The following ZNF326 variants were observed in gnomAD, a reference collection of about 807,000 sequenced individuals.
The protein encoded by ZNF326 is DBIRD complex subunit ZNF326.
Under a neutral mutation model 63.1 loss-of-function variants are expected in ZNF326, and 30 were observed. The observed-to-expected ratio is 0.48, with a 90% CI of 0.36 to 0.64. The LOEUF (loss-of-function observed/expected upper bound fraction) is 0.64. Ranked by LOEUF, ZNF326 falls within the 30% of genes least tolerant of loss-of-function variation. ZNF326 has a pLI of 0.00. For synonymous variants in ZNF326, 194 were observed against 228.2 expected (o/e 0.85, Z 1.35); for missense variants, 609 against 720.3 (o/e 0.85, Z 1.77).
At position 90,018,734 on chromosome 1, in the gene ZNF326, C is replaced by G; in HGVS notation, c.1124C>G (p.Thr375Arg). Residue 375 changes from threonine (T) to arginine (R), a missense_variant, in exon 9 of 12, where the codon ACA becomes AGA. Coordinates refer to ENST00000340281, the MANE Select transcript of ZNF326 (RefSeq NM_182976.4). ...AAAACATCTATTCGTAAGCAACAGACAAATAATCAAACAGAAGTAGTTAAA... is the reference window on the plus strand; with the variant it reads ...AAAACATCTATTCGTAAGCAACAGAGAAATAATCAAACAGAAGTAGTTAAA... Reference protein sequence around the residue: ...FKKTSIRKQQTNNQTEVVKII... With the variant: ...FKKTSIRKQQRNNQTEVVKII... The G allele has an allele frequency of 6.3e-7, 1 of 1,578,458 alleles. No individual in the cohort carries two copies.
rs1650362666 is a variant in ZNF326, at chr1:90,033,604, A to T, written c.*5903A>T. On this transcript the variant is annotated 3_prime_UTR_variant, in exon 12 of 12. Transcript: ENST00000340281. ...TGAAAATAAACTCTGTTTTAGGCTG[A>T]TTAGTTGAATAAACATGGCTGAGAA... The T allele has an allele frequency of 6.6e-6, 1 of 152,178 alleles. No individual in the cohort carries two copies. Among genetic ancestry groups the T allele is most frequent in the Non-Finnish European group, 1.5e-5 (1 of 68,010 alleles). The allele number at this position is 152,178 out of a possible 1,614,324, so 9.4% of individuals were successfully genotyped here. A position where few individuals can be genotyped will look rare whatever the true frequency, so the allele number is the denominator to read the frequency against.
rs1650357443 is a variant in ZNF326, at chr1:90,033,477, T to C, written c.*5776T>C. 1 of 152,172 alleles carries C rather than the reference T, an allele frequency of 6.6e-6. No homozygotes were observed. Among genetic ancestry groups the C allele is most frequent in the Non-Finnish European group, 1.5e-5 (1 of 67,988 alleles). The allele number at this position is 152,172 out of a possible 1,614,324, so 9.4% of individuals were successfully genotyped here. A position where few individuals can be genotyped will look rare whatever the true frequency, so the allele number is the denominator to read the frequency against. On this transcript the variant is annotated 3_prime_UTR_variant, in exon 12 of 12. Transcript: ENST00000340281. Reference sequence around the variant, plus strand: ...CTTATAATAGTTTCATATGTAATCCTCATCATATTATATGTCATAATCTTC... The same window carrying C: ...CTTATAATAGTTTCATATGTAATCCCCATCATATTATATGTCATAATCTTC...
intron 2 of ZNF326, 115 bp from the exon 3 acceptor site, chr1:90,004,888 A>C (rs923610787): frequency 3.4e-6 from 2 of 582,208 alleles, no homozygotes; most frequent in Non-Finnish European, 5.1e-6. Context: ...AATTTAGTTT[A>C]AATGTTAATG....
At chr1:90,004,905 T>G in intron 2 of ZNF326, 98 bp from the exon 3 acceptor site, 1 of 941,990 alleles carries the variant, frequency 1.1e-6, no homozygotes, top group Non-Finnish European at 1.6e-6. Flanking sequence ...AATGGTAAAT[T>G]ATCTCAGGTG....
chr1:90,013,063 A>G, intron 6 of ZNF326, 63 bp from the exon 7 acceptor site: 1 of 1,400,918 alleles, frequency 7.1e-7, no homozygotes, highest in South Asian at 1.3e-5. Context: ...TTACGAACTG[A>G]TGATTGGAAA....
rs998686399 is a variant in ZNF326, at chr1:89,995,184, G to A, written c.-74G>A. On this transcript the variant is annotated 5_prime_UTR_variant, in exon 1 of 12. Coordinates refer to ENST00000340281, the MANE Select transcript of ZNF326 (RefSeq NM_182976.4). ...TCGCGCGGAGTGATCGTGTGGAATCGCGGGTCGCGGACGCTCGCCGCCGGC... is the reference window on the plus strand; with the variant it reads ...TCGCGCGGAGTGATCGTGTGGAATCACGGGTCGCGGACGCTCGCCGCCGGC... The A allele has an allele frequency of 2.7e-6, 4 of 1,501,478 alleles. No individual in the cohort carries two copies. Among genetic ancestry groups the A allele is most frequent in the Non-Finnish European group, 3.6e-6 (4 of 1,123,036 alleles). The allele number at this position is 1,501,478 out of a possible 1,614,324, so 93.0% of individuals were successfully genotyped here. A position where few individuals can be genotyped will look rare whatever the true frequency, so the allele number is the denominator to read the frequency against.
intron 2 of ZNF326, among the ~76,000 whole-genome samples, chr1:90,003,557 A>T (rs1648806927): frequency 6.6e-6 from 1 of 152,246 alleles, no homozygotes; most frequent in South Asian, 2.1e-4. Flanking sequence ...TTTTGTAAAT[A>T]TTCAGAAGAA....
chr1:90,020,895 A>G lies in ZNF326; in HGVS notation c.1278A>G (p.Lys426=), dbSNP rs1277930260. ...ALHSSVQQHL[K]SPDHIKGKQA... ...ATAGTTCAGTTCAGCAGCACTTAAA[A>G]TCTCCTGATCATATCAAAGGGAAGC... The change falls in exon 10 of 12, where the codon AAA becomes AAG. Residue 426 remains lysine (K), a synonymous_variant. Coordinates refer to ENST00000340281, the MANE Select transcript of ZNF326 (RefSeq NM_182976.4). The G allele has an allele frequency of 6.2e-7, 1 of 1,612,834 alleles. No individual in the cohort carries two copies. Among genetic ancestry groups the G allele is most frequent in the African/African-American group, 1.3e-5 (1 of 74,832 alleles).
intron 9 of ZNF326, among the ~76,000 whole-genome samples, 190 bp from the exon 10 acceptor site, chr1:90,020,602 G>A (rs552498137): frequency 6.6e-6 from 1 of 152,086 alleles, no homozygotes; most frequent in South Asian, 2.1e-4. Context: ...AATAATTTTA[G>A]TTAGCAATAT....
At chr1:90,012,403 C>T (rs1426285628) in intron 6 of ZNF326, among the ~76,000 whole-genome samples, 1 of 152,034 alleles carries the variant, frequency 6.6e-6, no homozygotes, top group East Asian at 1.9e-4. Flanking sequence ...ATAGGCAAAT[C>T]CGTAGATCAG....
At chr1:90,022,859 GTT>G (rs910154152) in intron 11 of ZNF326, among the ~76,000 whole-genome samples, 3 of 152,154 alleles carry the variant, frequency 2.0e-5, no homozygotes, top group Admixed American at 1.3e-4. Context: ...TGTCCACCTA[GTT>G]TTTTCTTCCA....
chr1:90,016,324 A>G (rs962843288), intron 7 of ZNF326, among the ~76,000 whole-genome samples: 1 of 152,170 alleles, frequency 6.6e-6, no homozygotes, highest in African/African-American at 2.4e-5. Context: ...AAATAAATCT[A>G]ATAGCATTGC....
At chr1:89,999,881 G>A (rs1648583321) in intron 2 of ZNF326, among the ~76,000 whole-genome samples, 1 of 152,180 alleles carries the variant, frequency 6.6e-6, no homozygotes, top group Admixed American at 6.5e-5. Context: ...TGAACAAAAT[G>A]GACAAATATT....
Position 89,995,282 on chromosome 1 carries a change from T to A in ZNF326, c.16+9T>A. On this transcript the variant is annotated intron_variant, in intron 1 of 11. Transcript: ENST00000340281. ...CATGGACTTCGAGGACGGTAAGCGC[T>A]GCCTCTGGCTGGTCGGCGCAGCTGG... 6.4e-7 allele frequency: 1 copy of A among 1,550,388 alleles called. No individual in the cohort carries two copies.
intron 9 of ZNF326, among the ~76,000 whole-genome samples, chr1:90,019,733 CT>C (rs1291937891): frequency 3.3e-5 from 5 of 152,044 alleles, no homozygotes; most frequent in African/African-American, 1.2e-4. Context: ...ACAGATCTTT[CT>C]TCTGAACTCT....
intron 2 of ZNF326, 52 bp downstream of exon 2, chr1:89,998,206 A>ATGCGC: frequency 6.4e-7 from 1 of 1,571,330 alleles, no homozygotes; most frequent in Non-Finnish European, 8.7e-7. Context: ...ATATAGTATC[A>ATGCGC]ATGTAAAAGG....
intron 11 of ZNF326, among the ~76,000 whole-genome samples, chr1:90,024,733 G>A (rs570070352): frequency 9.9e-5 from 15 of 151,810 alleles, no homozygotes; most frequent in African/African-American, 2.4e-4. Context: ...CTCCCACCTC[G>A]GCCTCTCTAG....
intron 1 of ZNF326, among the ~76,000 whole-genome samples, chr1:89,996,924 C>T (rs945139128): frequency 2.0e-5 from 3 of 152,178 alleles, no homozygotes; most frequent in African/African-American, 7.2e-5. Context: ...ACAGTTCTTT[C>T]CACTCCCCAC....
intron 2 of ZNF326, among the ~76,000 whole-genome samples, chr1:89,998,473 T>C (rs1473823308): frequency 6.6e-6 from 1 of 152,184 alleles, no homozygotes; most frequent in African/African-American, 2.4e-5. Flanking sequence ...AATTAGAGGC[T>C]TTGGTATTGA....
Sources: allele counts gnomAD v4.1 joint callset (sites outside exome capture counted in the v4.1 genomes callset), GRCh38; gene constraint gnomAD v4.1.1; transcripts MANE v1.5; gene names NCBI Gene and HGNC (gene_info 2026-07-23, HGNC 2026-07-21).